Variants in NTRK3 observed in about 807,000 individuals in gnomAD.
The protein encoded by NTRK3 is NT-3 growth factor receptor.
NTRK3 carries 24 observed loss-of-function variants against 91.7 expected under a neutral mutation model. The observed-to-expected ratio is 0.26, with a 90% CI of 0.19 to 0.37. The LOEUF is 0.37. Ranked by LOEUF, NTRK3 falls within the 10% of genes least tolerant of loss-of-function variation. The pLI is 1.00. For synonymous variants in NTRK3, 483 were observed against 404.0 expected (o/e 1.20, Z -2.34); for missense variants, 880 against 1,068.9 (o/e 0.82, Z 2.46).
intron 5 of NTRK3, among the ~76,000 whole-genome samples, chr15:88,166,468 G>A (rs1334900638): frequency 6.6e-6 from 1 of 152,162 alleles, no homozygotes; most frequent in Admixed American, 6.5e-5. Context: ...GTGAGCCGGG[G>A]ACTAGGGCCT....
intron 13 of NTRK3, among the ~76,000 whole-genome samples, chr15:88,046,647 T>A (rs1207482070): frequency 6.6e-6 from 1 of 152,098 alleles, no homozygotes; most frequent in Non-Finnish European, 1.5e-5. Flanking sequence ...GTTCCACAGA[T>A]CCTCTCCGTT....
intron 5 of NTRK3, among the ~76,000 whole-genome samples, chr15:88,150,789 T>C (rs1206738338): frequency 6.6e-6 from 1 of 152,150 alleles, no homozygotes; most frequent in African/African-American, 2.4e-5. Flanking sequence ...GGCAAACATA[T>C]ACACACCACA....
chr15:88,120,387 T>C (rs2052572271), intron 13 of NTRK3, among the ~76,000 whole-genome samples: 1 of 152,214 alleles, frequency 6.6e-6, no homozygotes. Context: ...TAATTTACAA[T>C]GGAACAGTCC....
chr15:87,977,409 A>C (rs1295240108), intron 14 of NTRK3: 1 of 206,808 alleles, frequency 4.8e-6, no homozygotes, highest in African/African-American at 2.3e-5. Context: ...TACACTGAAC[A>C]CTCCTATAAG....
At chr15:88,147,352 C>A (rs780466574) in exon 6 of NTRK3, 4 of 1,613,608 alleles carry the variant, frequency 2.5e-6, no homozygotes, top group Non-Finnish European at 3.4e-6. Flanking sequence ...GAAGACTCAG[C>A]GTCTGGAAGA....
intron 13 of NTRK3, among the ~76,000 whole-genome samples, chr15:88,044,210 T>C (rs1294579953): frequency 1.3e-5 from 2 of 150,852 alleles, no homozygotes; most frequent in East Asian, 1.9e-4. Flanking sequence ...ACACAGCTAG[T>C]AGGTAGCAGT....
intron 14 of NTRK3, among the ~76,000 whole-genome samples, chr15:87,944,667 C>A (rs536078585): frequency 6.6e-6 from 1 of 152,376 alleles, no homozygotes; most frequent in East Asian, 1.9e-4. Context: ...AACCCTCCAT[C>A]TTCCACTACT....
At chr15:88,052,450 T>G (rs1326565291) in intron 13 of NTRK3, among the ~76,000 whole-genome samples, 1 of 152,204 alleles carries the variant, frequency 6.6e-6, no homozygotes, top group Non-Finnish European at 1.5e-5. Context: ...TAGTTTGGAG[T>G]AAGCACGCTA....
intron 13 of NTRK3, among the ~76,000 whole-genome samples, chr15:88,074,969 T>C (rs958690261): frequency 3.3e-5 from 5 of 152,154 alleles, no homozygotes; most frequent in Non-Finnish European, 7.4e-5. Flanking sequence ...CCGGCACCCT[T>C]TTCCCCTTAC....
At chr15:88,251,519 C>A (rs541743447) in intron 3 of NTRK3, among the ~76,000 whole-genome samples, 71 of 152,370 alleles carry the variant, frequency 4.7e-4, no homozygotes, top group African/African-American at 1.7e-3. Flanking sequence ...CGAGGGGAGG[C>A]TGGAGACCAT....
intron 13 of NTRK3, among the ~76,000 whole-genome samples, chr15:88,060,913 G>A (rs1317962760): frequency 6.6e-6 from 1 of 151,720 alleles, no homozygotes; most frequent in African/African-American, 2.4e-5. Context: ...GGTTATTTTT[G>A]CACCTTGATA....
exon 2 of NTRK3, chr15:88,256,305 G>A (rs968204894): frequency 8.8e-6 from 6 of 679,930 alleles, no homozygotes; most frequent in Non-Finnish European, 1.6e-5. Context: ...CGAGCGATCA[G>A]ATGCAAAATC....
intron 3 of NTRK3, among the ~76,000 whole-genome samples, chr15:88,225,871 G>A (rs942604649): frequency 9.9e-5 from 15 of 152,172 alleles, no homozygotes; most frequent in Admixed American, 2.6e-4. Context: ...CTGGGGGTCC[G>A]ATAGGCTGCA....
rs16941302 is a variant in NTRK3, at chr15:88,121,700, G to C, written c.1396+4571C>G. Among the ~76,000 whole-genome samples the C allele has an allele frequency of 9.7e-3, 1,480 of 152,300 alleles. 32 individuals carry two copies. The highest frequency in any genetic ancestry group is 0.034 in the African/African-American group (1,405 of 41,556). ...CACCCCATGATCTGACAATCAAAGA[G>C]TTAATGTCTAGCACAGTGGGGACCT... On this transcript the variant is annotated intron_variant, in intron 13 of 18. Coordinates refer to ENST00000394480, the Ensembl canonical transcript of NTRK3.
chr15:87,874,205 T>C (rs939457471), exon 19 of NTRK3: 28 of 35,234 alleles, frequency 7.9e-4, no homozygotes, highest in Middle Eastern at 0.011. Flanking sequence ...CTCTCCAAAA[T>C]AAATCTTTTT....
chr15:88,131,638 C>T (rs2041359869), intron 10 of NTRK3, among the ~76,000 whole-genome samples: 1 of 152,216 alleles, frequency 6.6e-6, no homozygotes, highest in Admixed American at 6.5e-5. Context: ...CATTCATTTG[C>T]ATATGTCTCA....
intron 13 of NTRK3, among the ~76,000 whole-genome samples, chr15:88,083,168 T>G (rs372479854): frequency 5.3e-5 from 8 of 152,162 alleles, no homozygotes; most frequent in South Asian, 4.2e-4. Context: ...CCAACCCTCC[T>G]CTCCACCCCT....
intron 14 of NTRK3, among the ~76,000 whole-genome samples, chr15:87,992,295 C>A (rs184800553): frequency 4.7e-4 from 72 of 152,250 alleles, no homozygotes; most frequent in African/African-American, 1.7e-3. Context: ...AAACTCTGAC[C>A]ACACTGTATG....
intron 14 of NTRK3, among the ~76,000 whole-genome samples, chr15:87,979,620 T>TA (rs1284536219): frequency 6.6e-6 from 1 of 152,074 alleles, no homozygotes; most frequent in Non-Finnish European, 1.5e-5. Context: ...GGGATTAACT[T>TA]AAAACCCTGC....
Sources: allele counts gnomAD v4.1 joint callset (sites outside exome capture counted in the v4.1 genomes callset), GRCh38; gene constraint gnomAD v4.1.1; transcripts MANE v1.5; gene names NCBI Gene and HGNC (gene_info 2026-07-23, HGNC 2026-07-21).